The following XRN1 variants were observed in gnomAD, a reference collection of about 807,000 sequenced individuals.
The protein encoded by XRN1 is strand-exchange protein 1 homolog.
Under a neutral mutation model 222.3 loss-of-function variants are expected in XRN1, and 67 were observed. The observed-to-expected ratio is 0.30, with a 90% CI of 0.25 to 0.37. The LOEUF is 0.37. Among genes scored for constraint, XRN1 ranks in the 10% least tolerant of loss-of-function variants. The probability of loss-of-function intolerance (pLI) is 1.00; values close to 1 mark genes in which losing one functional copy is unlikely to be tolerated. For synonymous variants in XRN1, 643 were observed against 652.4 expected, an observed-to-expected ratio of 0.99 and a Z score of 0.22; for missense variants, 1,707 against 2,000.2, an observed-to-expected ratio of 0.85 and a Z score of 2.80.
At chr3:142,360,904 A>G (rs1261815378) in intron 29 of XRN1, among the ~76,000 whole-genome samples, 1 of 151,822 alleles carries the variant, frequency 6.6e-6, no homozygotes, top group Non-Finnish European at 1.5e-5. Flanking sequence ...AACAACAACA[A>G]AACAGCCTTA....
At chr3:142,398,572 G>A (rs2068016191) in intron 19 of XRN1, among the ~76,000 whole-genome samples, 4 of 151,908 alleles carry the variant, frequency 2.6e-5, no homozygotes, top group African/African-American at 9.7e-5. Context: ...TCACTATGAT[G>A]CCCAGGCTGG....
chr3:142,419,175 G>A (rs2068904410), intron 10 of XRN1, among the ~76,000 whole-genome samples: 3 of 152,052 alleles, frequency 2.0e-5, no homozygotes, highest in Admixed American at 2.0e-4. Flanking sequence ...GGCTATTCCT[G>A]CACAGTGTCT....
At chr3:142,389,676 C>A (rs139808469) in intron 20 of XRN1, among the ~76,000 whole-genome samples, 1 of 152,092 alleles carries the variant, frequency 6.6e-6, no homozygotes, top group Non-Finnish European at 1.5e-5. Context: ...TCCGCCACCA[C>A]GCTCAGCTAA....
chr3:142,361,784 G>C (rs560522266), intron 29 of XRN1, among the ~76,000 whole-genome samples: 4 of 151,706 alleles, frequency 2.6e-5, no homozygotes, highest in African/African-American at 9.7e-5. Context: ...TTAAAAATTG[G>C]GTTAAGTTGT....
intron 35 of XRN1, 150 bp from the exon 36 acceptor site, chr3:142,332,684 A>C (rs1005968886): frequency 1.2e-6 from 1 of 850,420 alleles, no homozygotes; most frequent in African/African-American, 1.7e-5. Context: ...GAAAAAAAAA[A>C]ACCCAACACC....
Position 142,343,123 on chromosome 3 carries a change from T to C in XRN1, c.3877+4111A>G, listed in dbSNP as rs996452973. Among the ~76,000 whole-genome samples the C allele has an allele frequency of 3.9e-5, 6 of 152,016 alleles. No individual in the cohort carries two copies. In the East Asian group the frequency reaches 7.7e-4, roughly 19 times the overall value. On this transcript the variant is annotated intron_variant, in intron 33 of 40. Transcript: ENST00000392981. ...TTAAAAAATGAGCAAAAGCTTCGAATAGACTTTTCTCAAAACAAGAGGCAT... is the reference window on the plus strand; with the variant it reads ...TTAAAAAATGAGCAAAAGCTTCGAACAGACTTTTCTCAAAACAAGAGGCAT...
intron 33 of XRN1, among the ~76,000 whole-genome samples, chr3:142,343,531 G>C (rs2066057102): frequency 6.6e-6 from 1 of 151,956 alleles, no homozygotes; most frequent in South Asian, 2.1e-4. Context: ...ACTATAATGA[G>C]ATATCATGTC....
rs528016373 is a variant in XRN1 at position 142,385,335 on chromosome 3, C to T, written c.2340-650G>A. Among the ~76,000 whole-genome samples, 7 of 152,138 alleles carry T rather than the reference C, an allele frequency of 4.6e-5. No homozygotes were observed. The South Asian group carries it at 8.3e-4, about 18-fold the overall frequency. ...CACATGCTACAATGTGTATGAACTT[C>T]GAAAGCATGCTAAATGAAAGAAGCC... On this transcript the variant is annotated intron_variant, in intron 20 of 40. Transcript: ENST00000392981.
chr3:142,339,986 G>GA, intron 33 of XRN1, among the ~76,000 whole-genome samples: 1 of 152,270 alleles, frequency 6.6e-6, no homozygotes, highest in East Asian at 1.9e-4. Context: ...CTGACATACT[G>GA]AAAAATGTAT....
intron 26 of XRN1, among the ~76,000 whole-genome samples, chr3:142,370,884 C>CAAAA (rs1453712337): frequency 6.6e-6 from 1 of 151,250 alleles, no homozygotes; most frequent in African/African-American, 2.4e-5. Flanking sequence ...AAAAACAAAA[C>CAAAA]AAAACAAAAC....
intron 39 of XRN1, among the ~76,000 whole-genome samples, chr3:142,314,904 C>CAAAAAAA (rs776430519): frequency 4.5e-5 from 1 of 22,302 alleles, no homozygotes; most frequent in African/African-American, 1.1e-4. Flanking sequence ...GACTCTGTCT[C>CAAAAAAA]AAAAAAAAAA....
chr3:142,345,996 G>C (rs1272575876), intron 33 of XRN1, among the ~76,000 whole-genome samples: 1 of 152,146 alleles, frequency 6.6e-6, no homozygotes, highest in Admixed American at 6.6e-5. Context: ...GAACTTAAGA[G>C]TTACCACTAT....
rs1310232099 is a variant in XRN1, at chr3:142,409,185, A to T, written c.1713+3359T>A. Reference sequence around the variant, plus strand: ...AAATAGCATCTTTTGATAAATGGAAATTTTTTTGATTTTGGTGAAATCTAT... The same window carrying T: ...AAATAGCATCTTTTGATAAATGGAATTTTTTTTGATTTTGGTGAAATCTAT... On this transcript the variant is annotated intron_variant, in intron 15 of 40. Transcript: ENST00000392981. 2.0e-5 allele frequency among the ~76,000 whole-genome samples: 3 copies of T among 152,070 alleles called. No individual in the cohort carries two copies. In the East Asian group the frequency reaches 5.8e-4, roughly 29 times the overall value.
intron 39 of XRN1, among the ~76,000 whole-genome samples, chr3:142,317,003 G>A (rs952017232): frequency 7.9e-5 from 12 of 152,154 alleles, no homozygotes; most frequent in African/African-American, 2.7e-4. Flanking sequence ...GAGAAATTAG[G>A]ATGAAACTCA....
At chr3:142,362,245 C>T (rs2066661261) in intron 29 of XRN1, among the ~76,000 whole-genome samples, 2 of 152,142 alleles carry the variant, frequency 1.3e-5, no homozygotes, top group African/African-American at 2.4e-5. Flanking sequence ...TCAAGTGATT[C>T]TTCCGCCTCA....
chr3:142,408,389 T>C (rs1482784183), intron 15 of XRN1, among the ~76,000 whole-genome samples: 1 of 152,276 alleles, frequency 6.6e-6, no homozygotes, highest in African/African-American at 2.4e-5. Flanking sequence ...AAAAGGTATA[T>C]TGCAGCTGAA....
chr3:142,420,622 T>C (rs1388179296), intron 10 of XRN1, among the ~76,000 whole-genome samples: 5 of 152,040 alleles, frequency 3.3e-5, no homozygotes, highest in South Asian at 2.1e-4. Context: ...TCCACCCATT[T>C]TGCCTCCCAA....
intron 37 of XRN1, 49 bp downstream of exon 37, chr3:142,329,384 TA>T: frequency 7.9e-7 from 1 of 1,267,272 alleles, no homozygotes; most frequent in South Asian, 2.7e-5. Context: ...CCAATTTATT[TA>T]AGCTTAATGT....
chr3:142,382,368 T>C (rs1460884365), intron 22 of XRN1, among the ~76,000 whole-genome samples: 2 of 152,168 alleles, frequency 1.3e-5, no homozygotes, highest in African/African-American at 4.8e-5. Context: ...ACAAGAGACC[T>C]TCCTTTCCCT....
Sources: gnomAD v4.1 joint callset for allele counts (sites outside exome capture counted in the v4.1 genomes callset) on GRCh38, gnomAD v4.1.1 for gene constraint, MANE v1.5 for transcripts, NCBI Gene and HGNC (gene_info 2026-07-23, HGNC 2026-07-21) for gene names.